Variants in DOC2B observed in about 807,000 individuals in gnomAD.
DOC2B encodes double C2-like domain-containing protein beta.
A neutral mutation model predicts 28.9 loss-of-function variants in DOC2B; 21 were observed. The observed-to-expected ratio is 0.73, with a 90% CI of 0.52 to 1.05. The LOEUF (loss-of-function observed/expected upper bound fraction) is 1.05, where lower values mean the gene tolerates loss of function less well. Among genes scored for constraint, DOC2B ranks in the 50% least tolerant of loss-of-function variants. The probability of loss-of-function intolerance (pLI) is 0.00; values close to 1 mark genes in which losing one functional copy is unlikely to be tolerated. For missense variants in DOC2B, 384 were observed against 421.1 expected, an observed-to-expected ratio of 0.91 and a Z score of 0.77; for synonymous variants, 194 against 178.1, an observed-to-expected ratio of 1.09 and a Z score of -0.71.
At chr17:159,917 C>T (rs533569303) in intron 5 of DOC2B, among the ~76,000 whole-genome samples, 16 of 149,546 alleles carry the variant, frequency 1.1e-4, no homozygotes, top group Admixed American at 9.3e-4. Context: ...TACATACCCA[C>T]GTGGTTGTTT....
At chr17:173,080 A>G (rs1423931200) in intron 1 of DOC2B, among the ~76,000 whole-genome samples, 1 of 152,194 alleles carries the variant, frequency 6.6e-6, no homozygotes, top group South Asian at 2.1e-4. Flanking sequence ...ACAGTCCCCC[A>G]GCCAACACAC....
chr17:173,169 G>A (rs979771844), intron 1 of DOC2B, among the ~76,000 whole-genome samples: 27 of 152,196 alleles, frequency 1.8e-4, no homozygotes, highest in African/African-American at 6.5e-4. Flanking sequence ...TCCTCATACT[G>A]CTGCCCCCAA....
At position 162,065 on chromosome 17, in the gene DOC2B, T is replaced by C. The variant is rs773569148; in HGVS notation, c.638+16A>G. The C allele has an allele frequency of 1.6e-5, 25 of 1,529,998 alleles. No homozygotes were observed. In the South Asian group the frequency reaches 2.8e-4, roughly 17 times the overall value. 94.8% of individuals were successfully genotyped at this position (1,529,998 alleles called of 1,614,324 possible). ...GGGGTTGGGGAGGGAGCAGGCGGCC[T>C]GGGACCCTCACCCACCGCAGGGTCT... On this transcript the variant is annotated intron_variant, in intron 4 of 8. Transcript: ENST00000613549.
Position 145,977 on chromosome 17 carries a change from A to C in DOC2B, c.*1464T>G, listed in dbSNP as rs2040015440. 6.6e-6 allele frequency: 1 copy of C among 152,270 alleles called. No homozygotes were observed. Among genetic ancestry groups the C allele is most frequent in the Non-Finnish European group, 1.5e-5 (1 of 68,134 alleles). The allele number at this position is 152,270 out of a possible 1,614,324, so 9.4% of individuals were successfully genotyped here. On this transcript the variant is annotated 3_prime_UTR_variant, in exon 9 of 9. Coordinates refer to ENST00000613549, the MANE Select transcript of DOC2B (RefSeq NM_003585.5). ...CAACTCCTTGGCTCTGCATTTGTTC[A>C]CCCAGCGTTCCTGAGGGGCCCTTGG...
intron 5 of DOC2B, 32 bp from the exon 6 acceptor site, chr17:156,409 C>G: frequency 6.5e-7 from 1 of 1,546,946 alleles, no homozygotes; most frequent in South Asian, 1.2e-5. Context: ...CAGTCCTCAC[C>G]TGCTCCCACC....
chr17:160,212 G>A (rs1488166803), intron 5 of DOC2B, among the ~76,000 whole-genome samples: 1 of 152,040 alleles, frequency 6.6e-6, no homozygotes, highest in Non-Finnish European at 1.5e-5. Context: ...TCGAACTCTT[G>A]ACCTCATGAC....
chr17:176,578 A>G (rs903105749), intron 1 of DOC2B, among the ~76,000 whole-genome samples: 2 of 152,168 alleles, frequency 1.3e-5, no homozygotes, highest in South Asian at 4.1e-4. Flanking sequence ...GGAGGATGCA[A>G]CTAAGAAACA....
At chr17:148,032 A>G (rs1202770383) in intron 8 of DOC2B, 141 bp downstream of exon 8, 2 of 395,232 alleles carry the variant, frequency 5.1e-6, no homozygotes, top group Non-Finnish European at 8.9e-6. Context: ...CACAAGGGTC[A>G]GGCTGGAGAA....
At chr17:173,165 T>C (rs1022335571) in intron 1 of DOC2B, among the ~76,000 whole-genome samples, 1 of 152,160 alleles carries the variant, frequency 6.6e-6, no homozygotes, top group African/African-American at 2.4e-5. Context: ...TGGGTCCTCA[T>C]ACTGCTGCCC....
At chr17:175,408 G>A (rs1390361463) in intron 1 of DOC2B, among the ~76,000 whole-genome samples, 1 of 152,206 alleles carries the variant, frequency 6.6e-6, no homozygotes, top group Non-Finnish European at 1.5e-5. Context: ...CACTGCTCCT[G>A]CAGCAATGAA....
At position 181,059 on chromosome 17, in the gene DOC2B, A is replaced by G; in HGVS notation, c.373+48T>C. ...AAGCCGCGAGGCCGTGGGGGGGCCG[A>G]GCCCGAGCCAGGGGAGGGGGCGCGA... is the stretch of plus-strand genomic sequence containing the variant. On this transcript the variant is annotated intron_variant, in intron 1 of 8. Transcript: ENST00000613549. The surrounding 1 kb of genome is among the most constrained non-coding windows in gnomAD (Gnocchi z 7.0). The G allele has an allele frequency of 1.6e-6, 2 of 1,213,396 alleles. No individual in the cohort carries two copies. The highest frequency in any genetic ancestry group is 3.6e-5 in the South Asian group (1 of 27,796). The allele number at this position is 1,213,396 out of a possible 1,614,324, so 75.2% of individuals were successfully genotyped here.
intron 1 of DOC2B, among the ~76,000 whole-genome samples, chr17:179,824 G>A (rs1440914731): frequency 1.3e-5 from 2 of 152,402 alleles, no homozygotes; most frequent in African/African-American, 2.4e-5. Flanking sequence ...CCCGAGGGCC[G>A]TGGTCCAGGC....
intron 6 of DOC2B, 40 bp downstream of exon 6, chr17:156,180 G>C: frequency 6.6e-7 from 1 of 1,515,946 alleles, no homozygotes; most frequent in Middle Eastern, 1.7e-4. Context: ...GTCCTTGGAG[G>C]TGAAGACGTG....
rs1187037358 is a variant in DOC2B at position 172,586 on chromosome 17, A to T, written c.404T>A (p.Leu135Gln). 1.9e-6 allele frequency: 3 copies of T among 1,551,072 alleles called. No individual in the cohort carries two copies. In the Admixed American group the frequency reaches 5.9e-5, roughly 30 times the overall value. The stretch of plus-strand genomic sequence containing the variant: ...GAGGGCGTTGTTCTCCTGGTCATAC[A>T]GCAGGCTGAAGTCCAGCGTGCCCAG... Reference protein sequence around the residue: ...TALGTLDFSLLYDQENNALHC... With the variant: ...TALGTLDFSLQYDQENNALHC... The change falls in exon 2 of 9, where the codon CTG becomes CAG. Residue 135 changes from leucine (L) to glutamine (Q), a missense_variant. By Grantham distance (113) the Leu-to-Gln change is moderately radical. Coordinates refer to ENST00000613549, the MANE Select transcript of DOC2B (RefSeq NM_003585.5).
chr17:163,792 G>A, intron 3 of DOC2B: 1 of 282,044 alleles, frequency 3.5e-6, no homozygotes, highest in Non-Finnish European at 6.8e-6. Context: ...TAACCACAGA[G>A]TCCTTTGTTT....
At chr17:155,897 G>A (rs2040128506) in intron 6 of DOC2B, 6 of 346,150 alleles carry the variant, frequency 1.7e-5, no homozygotes, top group South Asian at 7.2e-5. Context: ...CACTGGCCCC[G>A]CCTTCTGTCC....
intron 3 of DOC2B, 99 bp downstream of exon 3, chr17:164,031 C>T (rs552138140): frequency 1.1e-4 from 111 of 986,662 alleles, no homozygotes; most frequent in East Asian, 2.1e-4. Context: ...CCTGGGTGCC[C>T]GCAGCCCAGT....
intron 1 of DOC2B, among the ~76,000 whole-genome samples, chr17:176,756 G>T (rs2151476861): frequency 6.6e-6 from 1 of 152,322 alleles, no homozygotes. Context: ...CCTGCCCTTG[G>T]AGCGCTCCAA....
At chr17:150,914 C>G (rs1461855400) in intron 6 of DOC2B, among the ~76,000 whole-genome samples, 2 of 152,154 alleles carry the variant, frequency 1.3e-5, no homozygotes, top group Non-Finnish European at 2.9e-5. Flanking sequence ...GTGAAAGAAG[C>G]CGGACTCACA....
Sources: allele counts gnomAD v4.1 joint callset (sites outside exome capture counted in the v4.1 genomes callset), GRCh38; gene constraint gnomAD v4.1.1; non-coding constraint Gnocchi (gnomAD v3.1); transcripts MANE v1.5; gene names NCBI Gene and HGNC (gene_info 2026-07-23, HGNC 2026-07-21).